TANC1: variants seen among roughly 807,000 people sequenced by gnomAD.
TANC1 encodes protein TANC1.
In TANC1, 77 loss-of-function variants were observed where a neutral mutation model predicts 149.7. The observed-to-expected ratio is 0.51, with a 90% CI of 0.43 to 0.62. TANC1 has a LOEUF of 0.62. Ranked by LOEUF, TANC1 falls within the 20% of genes least tolerant of loss-of-function variation. The probability of loss-of-function intolerance (pLI) is 0.00; values close to 1 mark genes in which losing one functional copy is unlikely to be tolerated. For synonymous variants in TANC1, 854 were observed against 925.0 expected, an observed-to-expected ratio of 0.92 and a Z score of 1.39; for missense variants, 1,985 against 2,321.8, an observed-to-expected ratio of 0.85 and a Z score of 2.98.
At chr2:158,972,430 G>T (rs949910934) in intron 1 of TANC1, among the ~76,000 whole-genome samples, 7 of 152,090 alleles carry the variant, frequency 4.6e-5, no homozygotes, top group African/African-American at 1.7e-4. Flanking sequence ...CTTCCCTTAT[G>T]CTGTTGGGTT....
At chr2:159,176,932 TAG>T (rs1377257093) in intron 13 of TANC1, among the ~76,000 whole-genome samples, 51 of 112,652 alleles carry the variant, frequency 4.5e-4, no homozygotes, top group African/African-American at 1.6e-3. Context: ...TTTTTTGAGA[TAG>T]AGTCTCGCTC....
chr2:158,979,340 A>G lies in TANC1; in HGVS notation c.-126+10558A>G, dbSNP rs750523153. Among the ~76,000 whole-genome samples the G allele has an allele frequency of 4.0e-5, 6 of 151,716 alleles. No homozygotes were observed. In the East Asian group the frequency reaches 1.2e-3, roughly 29 times the overall value. On this transcript the variant is annotated intron_variant, in intron 1 of 26. Coordinates refer to ENST00000263635, the MANE Select transcript of TANC1 (RefSeq NM_033394.3). ...TCTGTCTCTACAAAATTTTTTTTTA[A>G]AAATTAGCCAGGCATGGTGGTACCA...
chr2:159,091,089 A>T (rs188416685), intron 3 of TANC1, among the ~76,000 whole-genome samples: 1 of 151,588 alleles, frequency 6.6e-6, no homozygotes, highest in Non-Finnish European at 1.5e-5. Context: ...ACCTACATAT[A>T]CTATTTTTGG....
At chr2:159,167,786 G>C (rs2054755572) in intron 8 of TANC1, among the ~76,000 whole-genome samples, 1 of 152,206 alleles carries the variant, frequency 6.6e-6, no homozygotes, top group Admixed American at 6.5e-5. Flanking sequence ...ATGAAGGAAT[G>C]AGAGAGGATG....
In TANC1 at chr2:158,980,558, C is replaced by T. The variant is rs368605796; in HGVS notation, c.-126+11776C>T. Among the ~76,000 whole-genome samples, 51 of 152,140 alleles carry T rather than the reference C, an allele frequency of 3.4e-4. No individual in the cohort carries two copies. The South Asian group carries it at 4.0e-3, about 12-fold the overall frequency. ...TTGGGAGGCCGAAGTGGGCAGATCACGAGGTCAGGAGATTGAGACCATCCT... is the reference window on the plus strand; with the variant it reads ...TTGGGAGGCCGAAGTGGGCAGATCATGAGGTCAGGAGATTGAGACCATCCT... On this transcript the variant is annotated intron_variant, in intron 1 of 26. Transcript: ENST00000263635.
chr2:158,991,563 C>A (rs1158704997), intron 1 of TANC1, among the ~76,000 whole-genome samples: 2 of 151,734 alleles, frequency 1.3e-5, no homozygotes, highest in African/African-American at 4.8e-5. Context: ...ACCATCCTGG[C>A]TAACATGATG....
Position 159,097,902 on chromosome 2 carries a change from A to G in TANC1, c.259+68A>G, listed in dbSNP as rs565245489. 1.1e-4 allele frequency: 141 copies of G among 1,338,440 alleles called. No homozygotes were observed. In the African/African-American group the frequency reaches 1.9e-3, roughly 18 times the overall value. 82.9% of individuals were successfully genotyped at this position (1,338,440 alleles called of 1,614,324 possible). Reference sequence around the variant, plus strand: ...ACCTGCATTGAAAATAAGCAAAACTAGTGCCCATGAGAAATCTTCTGGGAC... The same window carrying G: ...ACCTGCATTGAAAATAAGCAAAACTGGTGCCCATGAGAAATCTTCTGGGAC... On this transcript the variant is annotated intron_variant, in intron 4 of 26. Coordinates refer to ENST00000263635, the MANE Select transcript of TANC1 (RefSeq NM_033394.3).
chr2:159,058,147 C>CT (rs1486248857), intron 2 of TANC1, among the ~76,000 whole-genome samples: 1 of 152,144 alleles, frequency 6.6e-6, no homozygotes, highest in Admixed American at 6.6e-5. Flanking sequence ...TGAACCCTTC[C>CT]TTTTTTTGAA....
chr2:159,204,564 C>T (rs1012917675), intron 19 of TANC1, among the ~76,000 whole-genome samples: 2 of 152,176 alleles, frequency 1.3e-5, no homozygotes, highest in Non-Finnish European at 2.9e-5. Flanking sequence ...CCTGCCCTGT[C>T]GTGGTCACCT....
intron 2 of TANC1, among the ~76,000 whole-genome samples, chr2:159,037,455 C>T (rs2040284122): frequency 6.6e-6 from 1 of 152,130 alleles, no homozygotes; most frequent in African/African-American, 2.4e-5. Context: ...AATGGTATTG[C>T]CTAGGTTTTC....
Position 159,117,953 on chromosome 2 carries a change from C to CTACTGGAATTTTTCTG in TANC1, c.260-18234_260-18233insATTTTTCTGTACTGGA, listed in dbSNP as rs2048458270. On this transcript the variant is annotated intron_variant, in intron 4 of 26. Transcript: ENST00000263635. ...AGTTTTTCTGTACTGGAGTTTTTCT[C>CTACTGGAATTTTTCTG]TACTGGAGTTTTTCTCTACTGGAAT... is the stretch of plus-strand genomic sequence containing the variant. Among the ~76,000 whole-genome samples, 11 of 73,986 alleles carry CTACTGGAATTTTTCTG rather than the reference C, an allele frequency of 1.5e-4. 1 individual carries two copies. The South Asian group carries it at 6.4e-3, about 43-fold the overall frequency. 48.5% of individuals were successfully genotyped at this position (73,986 alleles called of 152,430 possible). A position where few individuals can be genotyped will look rare whatever the true frequency, so the allele number is the denominator to read the frequency against.
intron 4 of TANC1, among the ~76,000 whole-genome samples, 194 bp from the exon 5 acceptor site, chr2:159,135,999 AT>A (rs777145863): frequency 8.6e-6 from 1 of 115,980 alleles, no homozygotes; most frequent in African/African-American, 3.3e-5. Flanking sequence ...CTGTACTGAA[AT>A]TTTGTGTGTG....
intron 3 of TANC1, among the ~76,000 whole-genome samples, chr2:159,084,793 A>G (rs2044665844): frequency 6.6e-6 from 1 of 152,198 alleles, no homozygotes; most frequent in Non-Finnish European, 1.5e-5. Flanking sequence ...AGCACCAAGC[A>G]ATGCTCCATG....
intron 2 of TANC1, among the ~76,000 whole-genome samples, chr2:159,011,527 ATTTT>A (rs10586189): frequency 0.03 from 3,213 of 106,756 alleles, 44 homozygotes; most frequent in African/African-American, 0.067. Context: ...TACACCTTAA[ATTTT>A]TTTTTTTTTT....
At chr2:158,992,481 T>C (rs1265199747) in intron 1 of TANC1, among the ~76,000 whole-genome samples, 2 of 152,066 alleles carry the variant, frequency 1.3e-5, no homozygotes, top group African/African-American at 4.8e-5. Context: ...AAGGTATACA[T>C]GTACTTATAG....
rs186151931 is a variant in TANC1 at position 159,173,333 on chromosome 2, C to T, written c.1503+1061C>T. 5.3e-5 allele frequency among the ~76,000 whole-genome samples: 8 copies of T among 152,260 alleles called. No homozygotes were observed. The East Asian group carries it at 1.2e-3, about 22-fold the overall frequency. On this transcript the variant is annotated intron_variant, in intron 11 of 26. Coordinates refer to ENST00000263635, the MANE Select transcript of TANC1 (RefSeq NM_033394.3). ...AAATTGATTTCAAGGCCGGGCCTGG[C>T]GGCTCATGCTTGTAATCCCAGCACT...
Position 159,065,922 on chromosome 2 carries a change from T to C in TANC1, c.12T>C (p.Ala4=), listed in dbSNP as rs1357216756. The change falls in exon 3 of 27, where the codon GCT becomes GCC. Residue 4 remains alanine, a synonymous_variant. Coordinates refer to ENST00000263635, the MANE Select transcript of TANC1 (RefSeq NM_033394.3). MLK[A]VLKKSREGGK... is the part of the protein sequence containing the mutation. The stretch of plus-strand genomic sequence containing the variant: ...AACAAGTGTTGAAAATGTTAAAGGC[T>C]GTGCTGAAGAAGAGCCGAGAGGGAG... The C allele has an allele frequency of 6.2e-7, 1 of 1,613,772 alleles. No individual in the cohort carries two copies. The highest frequency in any genetic ancestry group is 8.5e-7 in the Non-Finnish European group (1 of 1,179,800).
Position 159,097,724 on chromosome 2 carries a change from A to AC in TANC1, c.150dup (p.Thr51HisfsTer3). On this transcript the variant is annotated frameshift_variant, in exon 4 of 27. Transcript: ENST00000263635. LOFTEE classifies it high-confidence loss of function. ...GTGAGCAGTCTTCCCACAGCAGAGG[A>AC]CACCTATAGGGTGAGCTTGGCCAAA... is the stretch of plus-strand genomic sequence containing the variant. 1 of 1,614,140 alleles carries AC rather than the reference A, an allele frequency of 6.2e-7. No individual in the cohort carries two copies. Among genetic ancestry groups the AC allele is most frequent in the Non-Finnish European group, 8.5e-7 (1 of 1,180,018 alleles).
chr2:159,102,273 C>T (rs1243599075), intron 4 of TANC1, among the ~76,000 whole-genome samples: 4 of 151,998 alleles, frequency 2.6e-5, no homozygotes, highest in Non-Finnish European at 5.9e-5. Context: ...CTGCTTGTGT[C>T]ACTTAAGTTT....
Sources: allele counts gnomAD v4.1 joint callset (sites outside exome capture counted in the v4.1 genomes callset), GRCh38; gene constraint gnomAD v4.1.1; transcripts MANE v1.5; gene names NCBI Gene and HGNC (gene_info 2026-07-23, HGNC 2026-07-21).